Variants in BZW2 observed in about 807,000 individuals in gnomAD.
The protein encoded by BZW2 is basic leucine zipper and W2 domains 2.
BZW2 carries 23 observed loss-of-function variants against 53.2 expected under a neutral mutation model. The observed-to-expected ratio is 0.43, with a 90% CI of 0.31 to 0.61. The LOEUF is 0.61. Ranked by LOEUF, BZW2 falls within the 20% of genes least tolerant of loss-of-function variation. The pLI is 0.09. For synonymous variants in BZW2, 227 were observed against 186.4 expected, an observed-to-expected ratio of 1.22 and a Z score of -1.77; for missense variants, 409 against 503.1, an observed-to-expected ratio of 0.81 and a Z score of 1.79.
At position 16,689,498 on chromosome 7, in the gene BZW2, A is replaced by T. The variant is rs979479414; in HGVS notation, c.542-299A>T. Among the ~76,000 whole-genome samples, 6 of 152,324 alleles carry T rather than the reference A, an allele frequency of 3.9e-5. No homozygotes were observed. In the South Asian group the frequency reaches 6.2e-4, roughly 16 times the overall value. On this transcript the variant is annotated intron_variant, in intron 6 of 11. Transcript: ENST00000258761. ...TGAAATAAAGGCAATAACACCAAAGATACTGGGTGTGAAATATGTTTTTGA... is the reference window on the plus strand; with the variant it reads ...TGAAATAAAGGCAATAACACCAAAGTTACTGGGTGTGAAATATGTTTTTGA...
At chr7:16,698,386 A>C in intron 10 of BZW2, 200 bp downstream of exon 10, 3 of 574,306 alleles carry the variant, frequency 5.2e-6, no homozygotes, top group East Asian at 3.1e-5. Context: ...TGCCTTGGAA[A>C]CCCTGCTTAG....
At chr7:16,681,460 G>A in intron 4 of BZW2, 56 bp downstream of exon 4, 1 of 1,414,974 alleles carries the variant, frequency 7.1e-7, no homozygotes, top group South Asian at 1.2e-5. Flanking sequence ...AAACTCTATA[G>A]AAGCTCTACA....
intron 10 of BZW2, among the ~76,000 whole-genome samples, chr7:16,703,924 TC>T (rs1783751506): frequency 6.6e-6 from 1 of 152,168 alleles, no homozygotes; most frequent in African/African-American, 2.4e-5. Context: ...AAAATATTAC[TC>T]TTGTAATTTG....
chr7:16,659,852 A>ATT (rs200974386), intron 1 of BZW2, among the ~76,000 whole-genome samples: 2 of 147,022 alleles, frequency 1.4e-5, no homozygotes, highest in Non-Finnish European at 3.0e-5. Context: ...TTATTTTTTT[A>ATT]TTTTTTTTTT....
chr7:16,675,713 C>CTA (rs1352132598), intron 3 of BZW2, among the ~76,000 whole-genome samples: 1 of 152,170 alleles, frequency 6.6e-6, no homozygotes, highest in Non-Finnish European at 1.5e-5. Flanking sequence ...AGTATAACAG[C>CTA]TATCTATATT....
chr7:16,673,920 A>G (rs1782684995), intron 2 of BZW2, among the ~76,000 whole-genome samples: 1 of 151,734 alleles, frequency 6.6e-6, no homozygotes, highest in African/African-American at 2.4e-5. Flanking sequence ...TTTTTTTGAG[A>G]CAGCGTTTCA....
intron 1 of BZW2, among the ~76,000 whole-genome samples, chr7:16,650,608 G>A (rs1378364836): frequency 6.6e-6 from 1 of 152,056 alleles, no homozygotes; most frequent in Non-Finnish European, 1.5e-5. Flanking sequence ...ATTTTTTATT[G>A]TGTTTTAGAT....
At chr7:16,673,323 C>T (rs1435015144) in intron 2 of BZW2, among the ~76,000 whole-genome samples, 1 of 152,174 alleles carries the variant, frequency 6.6e-6, no homozygotes, top group Non-Finnish European at 1.5e-5. Context: ...CCCACAAAAT[C>T]AAAACCATTT....
At chr7:16,670,471 G>C (rs1782567050) in intron 2 of BZW2, among the ~76,000 whole-genome samples, 1 of 152,184 alleles carries the variant, frequency 6.6e-6, no homozygotes, top group African/African-American at 2.4e-5. Context: ...CCAACCATGT[G>C]GTAGGGCCTT....
At chr7:16,697,953 C>G in intron 9 of BZW2, 95 bp from the exon 10 acceptor site, 5 of 1,475,856 alleles carry the variant, frequency 3.4e-6, no homozygotes, top group South Asian at 1.3e-5. Context: ...TCAGTCTTTT[C>G]TAAGCAACCC....
rs185329619 is a variant in BZW2 at position 16,701,992 on chromosome 7, C to T, written c.1109-2555C>T. Among the ~76,000 whole-genome samples, 446 of 152,240 alleles carry T rather than the reference C, an allele frequency of 2.9e-3. 1 individual carries two copies. Among genetic ancestry groups the T allele is most frequent in the African/African-American group, 9.6e-3 (399 of 41,558 alleles). On this transcript the variant is annotated intron_variant, in intron 10 of 11. Coordinates refer to ENST00000258761, the MANE Select transcript of BZW2 (RefSeq NM_014038.3). ...CTCAAGGTACATGTATCTCACCAGA[C>T]ATTATGAAGAAGTTGGCCAGATAGA...
intron 4 of BZW2, among the ~76,000 whole-genome samples, chr7:16,682,228 A>T (rs1782967572): frequency 6.6e-6 from 1 of 152,252 alleles, no homozygotes; most frequent in African/African-American, 2.4e-5. Flanking sequence ...CCTCATTTAC[A>T]TAAAAACATC....
intron 4 of BZW2, among the ~76,000 whole-genome samples, chr7:16,681,796 C>T (rs1782954550): frequency 6.6e-6 from 1 of 152,172 alleles, no homozygotes; most frequent in Non-Finnish European, 1.5e-5. Flanking sequence ...CGTGCCACTG[C>T]TCAACCTTGG....
chr7:16,688,950 G>A (rs1344793134), intron 6 of BZW2, among the ~76,000 whole-genome samples: 4 of 152,068 alleles, frequency 2.6e-5, no homozygotes, highest in Non-Finnish European at 4.4e-5. Flanking sequence ...TTATGGCTGC[G>A]TGCAATGGCT....
intron 4 of BZW2, 77 bp downstream of exon 4, chr7:16,681,481 T>A: frequency 1.7e-6 from 2 of 1,167,352 alleles, no homozygotes; most frequent in Non-Finnish European, 2.5e-6. Context: ...GTCCACCCAC[T>A]TTTTAAATAG....
intron 3 of BZW2, among the ~76,000 whole-genome samples, chr7:16,680,009 A>G (rs1212154069): frequency 6.6e-6 from 1 of 152,204 alleles, no homozygotes; most frequent in East Asian, 1.9e-4. Context: ...CCATGGGGAA[A>G]AAAAGATGAG....
chr7:16,652,371 G>A (rs1005751274), intron 1 of BZW2, among the ~76,000 whole-genome samples: 2 of 152,100 alleles, frequency 1.3e-5, no homozygotes, highest in African/African-American at 2.4e-5. Flanking sequence ...TGTTCTGCCC[G>A]ATTGTGCAAT....
At chr7:16,660,521 A>G (rs945613291) in intron 1 of BZW2, among the ~76,000 whole-genome samples, 1 of 151,874 alleles carries the variant, frequency 6.6e-6, no homozygotes. Context: ...CCTGGCTTTG[A>G]AATTTGTGCA....
intron 9 of BZW2, among the ~76,000 whole-genome samples, chr7:16,697,687 A>C (rs1011523444): frequency 6.6e-6 from 1 of 152,208 alleles, no homozygotes; most frequent in Non-Finnish European, 1.5e-5. Flanking sequence ...CCCTGTACCC[A>C]CTAAGAGACC....
Sources: allele counts gnomAD v4.1 joint callset (sites outside exome capture counted in the v4.1 genomes callset), GRCh38; gene constraint gnomAD v4.1.1; transcripts MANE v1.5; gene names NCBI Gene and HGNC (gene_info 2026-07-23, HGNC 2026-07-21).